The following CCSER1 variants were observed in gnomAD, a reference collection of about 807,000 sequenced individuals.
The protein encoded by CCSER1 is serine-rich coiled-coil domain-containing protein 1.
A neutral mutation model predicts 82.0 loss-of-function variants in CCSER1; 41 were observed. That is an observed-to-expected ratio of 0.50 (90% confidence interval 0.39 to 0.65). The LOEUF is 0.65. Among genes scored for constraint, CCSER1 ranks in the 30% least tolerant of loss-of-function variants. CCSER1 has a pLI of 0.00. For synonymous variants in CCSER1, 414 were observed against 383.9 expected (o/e 1.08, Z -0.92); for missense variants, 1,119 against 1,064.2 (o/e 1.05, Z -0.72).
At chr4:91,290,842 T>C (rs1290142018) in intron 10 of CCSER1, among the ~76,000 whole-genome samples, 4 of 151,918 alleles carry the variant, frequency 2.6e-5, no homozygotes, top group African/African-American at 7.2e-5. Context: ...CATTTAAAGA[T>C]TGAAAATTGA....
chr4:90,398,835 C>T (rs1479957628), intron 3 of CCSER1, among the ~76,000 whole-genome samples: 1 of 151,968 alleles, frequency 6.6e-6, no homozygotes, highest in African/African-American at 2.4e-5. Context: ...TTCATGGATC[C>T]CACGTGTTTT....
At chr4:91,266,167 C>T (rs1262308712) in intron 10 of CCSER1, among the ~76,000 whole-genome samples, 2 of 152,026 alleles carry the variant, frequency 1.3e-5, no homozygotes, top group African/African-American at 4.8e-5. Context: ...GGACACAGAG[C>T]AAAACCATGT....
At chr4:91,542,501 G>A (rs1318807452) in intron 10 of CCSER1, among the ~76,000 whole-genome samples, 1 of 152,028 alleles carries the variant, frequency 6.6e-6, no homozygotes, top group Non-Finnish European at 1.5e-5. Flanking sequence ...GTTATGTTGT[G>A]TGTTTGTTCT....
chr4:90,722,258 C>A (rs1166738335), intron 6 of CCSER1, among the ~76,000 whole-genome samples: 1 of 151,756 alleles, frequency 6.6e-6, no homozygotes. Flanking sequence ...TGCAGGCTGT[C>A]CATACTACAG....
chr4:90,844,357 C>T (rs1762944914), intron 8 of CCSER1, among the ~76,000 whole-genome samples: 1 of 152,022 alleles, frequency 6.6e-6, no homozygotes, highest in Admixed American at 6.6e-5. Flanking sequence ...CACATTTTTA[C>T]AGCAATTACT....
At chr4:90,695,773 G>A (rs1020810822) in intron 6 of CCSER1, among the ~76,000 whole-genome samples, 3 of 151,832 alleles carry the variant, frequency 2.0e-5, no homozygotes, top group African/African-American at 7.2e-5. Context: ...TAATACCCTA[G>A]TAATGATATT....
chr4:91,164,733 G>A (rs189587742), intron 10 of CCSER1, among the ~76,000 whole-genome samples: 7 of 152,116 alleles, frequency 4.6e-5, no homozygotes, highest in East Asian at 3.9e-4. Flanking sequence ...GGCTTTTGAA[G>A]GTTGTGCATG....
intron 7 of CCSER1, among the ~76,000 whole-genome samples, chr4:90,806,419 A>G (rs1027908934): frequency 6.6e-6 from 1 of 152,172 alleles, no homozygotes; most frequent in Non-Finnish European, 1.5e-5. Flanking sequence ...TAGCCACAAT[A>G]TAGGGAAATG....
intron 5 of CCSER1, among the ~76,000 whole-genome samples, chr4:90,516,896 G>A (rs569348983): frequency 3.3e-5 from 5 of 152,218 alleles, no homozygotes; most frequent in African/African-American, 4.8e-5. Context: ...TTTGAAAATG[G>A]CACACATTGT....
At chr4:91,326,851 A>G (rs1217590001) in intron 10 of CCSER1, among the ~76,000 whole-genome samples, 1 of 152,140 alleles carries the variant, frequency 6.6e-6, no homozygotes, top group African/African-American at 2.4e-5. Flanking sequence ...CCAAGTCCAA[A>G]ACCCAGCAGT....
At chr4:90,627,255 G>C (rs1395843208) in intron 5 of CCSER1, among the ~76,000 whole-genome samples, 1 of 151,932 alleles carries the variant, frequency 6.6e-6, no homozygotes, top group Non-Finnish European at 1.5e-5. Context: ...CAGTTATTCT[G>C]TTTGTGAATA....
chr4:91,469,773 C>G (rs550715434), intron 10 of CCSER1, among the ~76,000 whole-genome samples: 1 of 152,222 alleles, frequency 6.6e-6, no homozygotes, highest in South Asian at 2.1e-4. Flanking sequence ...CTAGAAATCA[C>G]ATTAAAAGAG....
intron 3 of CCSER1, among the ~76,000 whole-genome samples, chr4:90,390,458 G>C (rs1033672142): frequency 2.0e-5 from 3 of 152,080 alleles, no homozygotes; most frequent in Non-Finnish European, 4.4e-5. Flanking sequence ...ATGCCAAGTA[G>C]TCCCCAGTGT....
chr4:90,918,927 C>T (rs1727944165), intron 8 of CCSER1, among the ~76,000 whole-genome samples: 1 of 151,456 alleles, frequency 6.6e-6, no homozygotes, highest in Admixed American at 6.6e-5. Context: ...TTGACATCTT[C>T]CAATTTTGTG....
At chr4:90,914,082 C>A (rs62312310) in intron 8 of CCSER1, among the ~76,000 whole-genome samples, 10,505 of 152,172 alleles carry the variant, frequency 0.069, 416 homozygotes, top group Admixed American at 0.13. Flanking sequence ...TTAGACAGAT[C>A]AACAAGACAG....
chr4:91,111,715 A>G (rs1203681893), intron 10 of CCSER1, among the ~76,000 whole-genome samples: 2 of 151,882 alleles, frequency 1.3e-5, no homozygotes, highest in East Asian at 3.9e-4. Context: ...TTAATACTCT[A>G]TAATTCATGA....
intron 10 of CCSER1, among the ~76,000 whole-genome samples, chr4:91,467,430 C>T (rs1306465416): frequency 6.6e-6 from 1 of 152,150 alleles, no homozygotes; most frequent in Non-Finnish European, 1.5e-5. Flanking sequence ...CCATTCAGGC[C>T]ATAGGCATGG....
At chr4:90,572,899 C>T (rs1780287347) in intron 5 of CCSER1, among the ~76,000 whole-genome samples, 2 of 152,092 alleles carry the variant, frequency 1.3e-5, no homozygotes, top group Admixed American at 1.3e-4. Context: ...ATTCTTCATC[C>T]TTGTGATTGA....
intron 10 of CCSER1, among the ~76,000 whole-genome samples, chr4:91,514,645 G>T (rs1459795061): frequency 1.3e-5 from 2 of 151,976 alleles, no homozygotes; most frequent in Non-Finnish European, 2.9e-5. Context: ...TTTTTATTTG[G>T]ATTAGCTTAT....
Sources: allele counts gnomAD v4.1 joint callset (sites outside exome capture counted in the v4.1 genomes callset), GRCh38; gene constraint gnomAD v4.1.1; transcripts MANE v1.5; gene names NCBI Gene and HGNC (gene_info 2026-07-23, HGNC 2026-07-21).